DNA2: variants seen among roughly 807,000 people sequenced by gnomAD.
DNA2 encodes DNA replication helicase/nuclease 2, also known as DNA replication ATP-dependent helicase/nuclease DNA2.
Under a neutral mutation model 119.1 loss-of-function variants are expected in DNA2, and 101 were observed. The observed-to-expected ratio is 0.85, with a 90% CI of 0.72 to 1.00. The LOEUF (loss-of-function observed/expected upper bound fraction) is 1.00, where lower values mean the gene tolerates loss of function less well. Ranked by LOEUF, DNA2 falls within the 50% of genes least tolerant of loss-of-function variation. The pLI, the probability that DNA2 is intolerant of heterozygous loss-of-function variation, is 0.00. For synonymous variants in DNA2, 366 were observed against 424.4 expected (o/e 0.86, Z 1.69); for missense variants, 1,121 against 1,255.5 (o/e 0.89, Z 1.62).
intron 20 of DNA2, chr10:68,416,508 G>T: frequency 4.0e-6 from 2 of 503,278 alleles, no homozygotes; most frequent in Non-Finnish European, 7.2e-6. Context: ...ATTTGTTCTG[G>T]ATTAAAAAAG....
chr10:68,415,170 T>TG (rs1414264863), intron 20 of DNA2, 63 bp from the exon 21 acceptor site: 1 of 1,027,716 alleles, frequency 9.7e-7, no homozygotes, highest in African/African-American at 1.6e-5. Flanking sequence ...TATGACATTA[T>TG]TATTTAACAT....
intron 17 of DNA2, 31 bp from the exon 18 acceptor site, chr10:68,419,923 A>T: frequency 6.3e-7 from 1 of 1,575,884 alleles, no homozygotes; most frequent in Middle Eastern, 1.7e-4. Flanking sequence ...CCTGCTGATA[A>T]TACAATCTCT....
Position 68,422,229 on chromosome 10 carries a change from T to G in DNA2, c.2693A>C (p.Asp898Ala), listed in dbSNP as rs1306778363. 7 of 1,571,192 alleles carry G rather than the reference T, an allele frequency of 4.5e-6. No individual in the cohort carries two copies. Among genetic ancestry groups the G allele is most frequent in the Admixed American group, 2.1e-5 (1 of 48,022 alleles). The change falls in exon 17 of 21, where the codon GAC (aspartate) becomes GCC (alanine). Residue 898 changes from aspartate to alanine, a missense_variant. Transcript: ENST00000358410. ...AACAGAAATTTTTTTTTTTACCTTG[T>G]CTGTATTAAGGAAACAAACAGGATT... Reference protein sequence around the residue: ...PNNPVCFLNTDKVPAPEQVEK... With the variant: ...PNNPVCFLNTAKVPAPEQVEK...
intron 6 of DNA2, among the ~76,000 whole-genome samples, chr10:68,447,973 C>T (rs2052064562): frequency 1.9e-5 from 2 of 103,446 alleles, no homozygotes; most frequent in African/African-American, 7.8e-5. Context: ...GACAGTGAGA[C>T]TCCGTCTCAA....
At chr10:68,431,690 T>C (rs1007155975) in intron 13 of DNA2, among the ~76,000 whole-genome samples, 172 bp downstream of exon 13, 11 of 152,216 alleles carry the variant, frequency 7.2e-5, no homozygotes, top group Non-Finnish European at 1.2e-4. Context: ...ATCTACATGA[T>C]TACAACTGTT....
At chr10:68,462,081 A>G (rs1459370436) in intron 4 of DNA2, among the ~76,000 whole-genome samples, 1 of 152,228 alleles carries the variant, frequency 6.6e-6, no homozygotes, top group Admixed American at 6.5e-5. Flanking sequence ...TGAATGAAAT[A>G]CATTTTAGGC....
chr10:68,437,287 CG>C, intron 9 of DNA2, 46 bp from the exon 10 acceptor site: 1 of 1,448,512 alleles, frequency 6.9e-7, no homozygotes, highest in Non-Finnish European at 9.4e-7. Context: ...ATATTACATA[CG>C]TAAGTATTGT....
chr10:68,444,739 A>AG (rs1004925431), intron 8 of DNA2, among the ~76,000 whole-genome samples, 182 bp downstream of exon 8: 10 of 151,626 alleles, frequency 6.6e-5, no homozygotes, highest in African/African-American at 1.9e-4. Flanking sequence ...AAAAAAAAAA[A>AG]AAAGAAAGAA....
At chr10:68,445,492 TA>T (rs2052027155) in intron 7 of DNA2, among the ~76,000 whole-genome samples, 1 of 151,796 alleles carries the variant, frequency 6.6e-6, no homozygotes, top group South Asian at 2.1e-4. Context: ...ATAAATAAAA[TA>T]AAAATAAAAA....
In DNA2 at chr10:68,424,715, C is replaced by T. The variant is rs573418201; in HGVS notation, c.2209-1825G>A. 18 of 1,599,314 alleles carry T rather than the reference C, an allele frequency of 1.1e-5. No individual in the cohort carries two copies. The South Asian group carries it at 1.7e-4, about 15-fold the overall frequency. On this transcript the variant is annotated intron_variant, in intron 14 of 20. Transcript: ENST00000358410. ...TCCGCTCCACACCCATCCGCAAGGA[C>T]GACGAGGTCCAGGTAGTTCAAGGAC...
At chr10:68,444,067 G>A (rs1412421382) in intron 8 of DNA2, among the ~76,000 whole-genome samples, 3 of 152,078 alleles carry the variant, frequency 2.0e-5, no homozygotes, top group Admixed American at 1.3e-4. Flanking sequence ...GACCAGCCTG[G>A]CCAACATGGT....
At chr10:68,444,728 A>AT (rs1250249882) in intron 8 of DNA2, among the ~76,000 whole-genome samples, 193 bp downstream of exon 8, 1 of 148,536 alleles carries the variant, frequency 6.7e-6, no homozygotes, top group African/African-American at 2.4e-5. Context: ...TCCGTCTCAA[A>AT]AAAAAAAAAA....
chr10:68,427,606 A>G (rs1009858970), intron 14 of DNA2, among the ~76,000 whole-genome samples: 1 of 151,030 alleles, frequency 6.6e-6, no homozygotes, highest in Non-Finnish European at 1.5e-5. Context: ...GCGTGGTCTC[A>G]CCAGTGCACT....
Position 68,419,180 on chromosome 10 carries a change from CAAT to C in DNA2, c.2818_2820del (p.Ile940del), listed in dbSNP as rs770101692. 1 of 1,604,922 alleles carries C rather than the reference CAAT, an allele frequency of 6.2e-7. No homozygotes were observed. The highest frequency in any genetic ancestry group is 1.3e-5 in the African/African-American group (1 of 74,500). On this transcript the variant is annotated inframe_deletion, in exon 19 of 21. Coordinates refer to ENST00000358410, the MANE Select transcript of DNA2 (RefSeq NM_001080449.3). ...ATCTTTAATTGCTGCCTGTACGGTG[CAAT>C]AATACCAATATCAGAGGGACTGCAT...
At chr10:68,438,635 G>A (rs900788263) in intron 9 of DNA2, among the ~76,000 whole-genome samples, 8 of 152,108 alleles carry the variant, frequency 5.3e-5, no homozygotes, top group African/African-American at 1.9e-4. Context: ...CATATATGCA[G>A]TCTAACTACA....
chr10:68,415,929 T>A (rs2051583178), intron 20 of DNA2, among the ~76,000 whole-genome samples: 1 of 152,050 alleles, frequency 6.6e-6, no homozygotes, highest in South Asian at 2.1e-4. Flanking sequence ...GGATTACAGG[T>A]GTGAGCCACC....
At chr10:68,423,963 C>T (rs1286893308) in intron 14 of DNA2, among the ~76,000 whole-genome samples, 1 of 152,068 alleles carries the variant, frequency 6.6e-6, no homozygotes, top group African/African-American at 2.4e-5. Context: ...GCTCATGTTT[C>T]AATAAAAAAA....
At chr10:68,443,138 T>C (rs2051993263) in intron 8 of DNA2, 27 bp from the exon 9 acceptor site, 2 of 1,532,648 alleles carry the variant, frequency 1.3e-6, no homozygotes, top group South Asian at 2.5e-5. Flanking sequence ...AAGTTAGAGA[T>C]GCTTATAAAC....
At chr10:68,429,602 C>T (rs944438329) in intron 14 of DNA2, among the ~76,000 whole-genome samples, 2 of 140,340 alleles carry the variant, frequency 1.4e-5, no homozygotes, top group Non-Finnish European at 3.0e-5. Context: ...GTCCCAGCTA[C>T]TCGGAAGGCT....
Sources: gnomAD v4.1 joint callset for allele counts (sites outside exome capture counted in the v4.1 genomes callset) on GRCh38, gnomAD v4.1.1 for gene constraint, MANE v1.5 for transcripts, NCBI Gene and HGNC (gene_info 2026-07-23, HGNC 2026-07-21) for gene names.